The following VIT variants were observed in gnomAD, a reference collection of about 807,000 sequenced individuals.
VIT encodes the protein vitrin.
In VIT, 99 loss-of-function variants were observed where a neutral mutation model predicts 78.0. The ratio of observed to expected loss-of-function variants is 1.27; its 90% CI spans 1.08 to 1.50. The LOEUF is 1.50. VIT is among the 40% of genes most tolerant of loss of function. VIT has a pLI of 0.00. For synonymous variants in VIT, 374 were observed against 334.3 expected (o/e 1.12, Z -1.29); for missense variants, 1,126 against 875.3 (o/e 1.29, Z -3.61).
At chr2:36,809,602 G>C (rs1434142531) in intron 15 of VIT, among the ~76,000 whole-genome samples, 1 of 152,138 alleles carries the variant, frequency 6.6e-6, no homozygotes, top group East Asian at 1.9e-4. Flanking sequence ...ATTTTTAGTA[G>C]AGATGGGATT....
At chr2:36,806,610 G>A (rs946187562) in intron 14 of VIT, among the ~76,000 whole-genome samples, 8 of 152,100 alleles carry the variant, frequency 5.3e-5, no homozygotes, top group African/African-American at 1.4e-4. Flanking sequence ...GCAGTGGCGC[G>A]ATCTCGGCTC....
intron 4 of VIT, among the ~76,000 whole-genome samples, chr2:36,746,577 T>C (rs1331836257): frequency 6.6e-6 from 1 of 152,174 alleles, no homozygotes; most frequent in Admixed American, 6.5e-5. Flanking sequence ...ATTTTCTAGC[T>C]TGTGTGCACA....
intron 2 of VIT, among the ~76,000 whole-genome samples, chr2:36,727,303 G>C (rs112431357): frequency 1.3e-5 from 2 of 152,006 alleles, no homozygotes; most frequent in Admixed American, 6.5e-5. Flanking sequence ...CACACACATG[G>C]GTGCACACAA....
intron 3 of VIT, among the ~76,000 whole-genome samples, chr2:36,731,916 C>T (rs1282954036): frequency 6.6e-6 from 1 of 152,204 alleles, no homozygotes; most frequent in African/African-American, 2.4e-5. Flanking sequence ...CTTCACACAG[C>T]CTCCTTTTTT....
chr2:36,803,451 TATA>T (rs1440102444), intron 13 of VIT, among the ~76,000 whole-genome samples: 1 of 152,172 alleles, frequency 6.6e-6, no homozygotes, highest in Admixed American at 6.5e-5. Context: ...GGCCTCCAGA[TATA>T]AGGTTAGGTG....
At chr2:36,697,653 C>G (rs1423798022) in intron 1 of VIT, among the ~76,000 whole-genome samples, 2 of 152,086 alleles carry the variant, frequency 1.3e-5, no homozygotes, top group Non-Finnish European at 2.9e-5. Flanking sequence ...GATTTGTGTC[C>G]AACTAGTATA....
At chr2:36,768,248 ATGGTG>A (rs1325429508) in intron 7 of VIT, among the ~76,000 whole-genome samples, 1 of 152,152 alleles carries the variant, frequency 6.6e-6, no homozygotes, top group Non-Finnish European at 1.5e-5. Context: ...CCTGGCCAGC[ATGGTG>A]AAACCCCATC....
At chr2:36,745,937 G>C (rs1364961006) in intron 4 of VIT, among the ~76,000 whole-genome samples, 1 of 152,072 alleles carries the variant, frequency 6.6e-6, no homozygotes, top group Non-Finnish European at 1.5e-5. Context: ...TGTTGGCTGT[G>C]GATTTGTCAT....
intron 9 of VIT, among the ~76,000 whole-genome samples, chr2:36,777,837 G>A (rs552886788): frequency 1.3e-5 from 2 of 152,114 alleles, no homozygotes; most frequent in Admixed American, 1.3e-4. Flanking sequence ...ATGGATAAAC[G>A]TGCCACCTGT....
chr2:36,747,951 T>C (rs892651118), intron 4 of VIT, among the ~76,000 whole-genome samples: 1 of 152,172 alleles, frequency 6.6e-6, no homozygotes, highest in African/African-American at 2.4e-5. Flanking sequence ...TTTGCTTATC[T>C]GAAAAGTGTT....
At chr2:36,806,810 G>A (rs1162262681) in intron 14 of VIT, among the ~76,000 whole-genome samples, 2 of 151,982 alleles carry the variant, frequency 1.3e-5, no homozygotes, top group Admixed American at 6.6e-5. Context: ...TGATCCTCCC[G>A]CTTCAGCCTC....
chr2:36,752,601 C>T (rs905192636), intron 4 of VIT, among the ~76,000 whole-genome samples: 6 of 152,218 alleles, frequency 3.9e-5, no homozygotes, highest in East Asian at 1.9e-4. Flanking sequence ...TCCAAATTAC[C>T]ATGGCTCTGA....
rs543830578 is a variant in VIT at position 36,787,982 on chromosome 2, T to C, written c.1058+706T>C. 5 of 321,696 alleles carry C rather than the reference T, an allele frequency of 1.6e-5. No individual in the cohort carries two copies. The Admixed American group carries it at 2.2e-4, about 14-fold the overall frequency. The allele number at this position is 321,696 out of a possible 1,614,324, so 19.9% of individuals were successfully genotyped here. A position where few individuals can be genotyped will look rare whatever the true frequency, so the allele number is the denominator to read the frequency against. On this transcript the variant is annotated intron_variant, in intron 12 of 15. Coordinates refer to ENST00000379242, the MANE Select transcript of VIT (RefSeq NM_053276.4). ...TTCATTTGGCGGTAATAAATCACTCTTATTTCAGATATGAATAGGTTTCTC... is the reference window on the plus strand; with the variant it reads ...TTCATTTGGCGGTAATAAATCACTCCTATTTCAGATATGAATAGGTTTCTC...
chr2:36,766,878 T>G (rs1669461079), intron 6 of VIT, among the ~76,000 whole-genome samples: 1 of 152,252 alleles, frequency 6.6e-6, no homozygotes, highest in African/African-American at 2.4e-5. Flanking sequence ...GTCATTTATT[T>G]TATTGCTATT....
intron 15 of VIT, among the ~76,000 whole-genome samples, chr2:36,813,544 C>A (rs1349793301): frequency 6.6e-6 from 1 of 152,154 alleles, no homozygotes; most frequent in Non-Finnish European, 1.5e-5. Context: ...CTTTCTTTAT[C>A]TTGGAAGCCT....
At position 36,778,893 on chromosome 2, in the gene VIT, G is replaced by A. The variant is rs377572435; in HGVS notation, c.803-2834G>A. On this transcript the variant is annotated intron_variant, in intron 9 of 15. Transcript: ENST00000379242. Reference sequence around the variant, plus strand: ...ACTTCCTCCTAAAGACTACACCCCAGGGGAGTCACTGGGAAGAAACGAGGG... The same window carrying A: ...ACTTCCTCCTAAAGACTACACCCCAAGGGAGTCACTGGGAAGAAACGAGGG... Among the ~76,000 whole-genome samples the A allele has an allele frequency of 1.5e-3, 224 of 152,318 alleles. 1 individual carries two copies. Among genetic ancestry groups the A allele is most frequent in the South Asian group, 8.5e-3 (41 of 4,826 alleles).
chr2:36,801,736 A>G (rs991831302), intron 13 of VIT, among the ~76,000 whole-genome samples: 2 of 151,316 alleles, frequency 1.3e-5, no homozygotes, highest in African/African-American at 4.9e-5. Flanking sequence ...AGATGGCGCC[A>G]CTGCACTCCA....
At chr2:36,809,046 G>C in intron 15 of VIT, 61 bp downstream of exon 15, 2 of 1,516,226 alleles carry the variant, frequency 1.3e-6, no homozygotes, top group South Asian at 1.3e-5. Flanking sequence ...TGGTGGGCCA[G>C]TGGGACAAGG....
chr2:36,736,105 C>A (rs1667495676), intron 3 of VIT, among the ~76,000 whole-genome samples: 1 of 152,114 alleles, frequency 6.6e-6, no homozygotes, highest in African/African-American at 2.4e-5. Flanking sequence ...AGTCTTAGAG[C>A]CATAGATCTA....
Sources: gnomAD v4.1 joint callset for allele counts (sites outside exome capture counted in the v4.1 genomes callset) on GRCh38, gnomAD v4.1.1 for gene constraint, MANE v1.5 for transcripts, NCBI Gene and HGNC (gene_info 2026-07-23, HGNC 2026-07-21) for gene names.